RBM47: variants seen among roughly 807,000 people sequenced by gnomAD.
RBM47 encodes RNA-binding protein 47.
RBM47 carries 21 observed loss-of-function variants against 47.1 expected under a neutral mutation model. The ratio of observed to expected loss-of-function variants is 0.45; its 90% CI spans 0.32 to 0.64. RBM47 has a LOEUF of 0.64. RBM47 is among the 30% of genes least tolerant of loss of function. The probability of loss-of-function intolerance (pLI) is 0.05; values close to 1 mark genes in which losing one functional copy is unlikely to be tolerated. For missense variants in RBM47, 708 were observed against 870.9 expected (o/e 0.81, Z 2.35); for synonymous variants, 375 against 361.7 (o/e 1.04, Z -0.42).
At chr4:40,630,150 T>C (rs113094568), upstream of RBM47, 1,143 of 152,328 alleles carry the variant, frequency 7.5e-3, 16 homozygotes, top group African/African-American at 0.026. Context: ...ATGGCAGAGA[T>C]TGGGGGACTT....
Position 40,623,840 on chromosome 4 carries a change from C to CTTGT in RBM47, c.-240+5552_-240+5555dup, listed in dbSNP as rs10573363. Among the ~76,000 whole-genome samples, 668 of 150,444 alleles carry CTTGT rather than the reference C, an allele frequency of 4.4e-3. 4 individuals carry two copies. Among genetic ancestry groups the CTTGT allele is most frequent in the African/African-American group, 0.012 (486 of 40,758 alleles). On this transcript the variant is annotated intron_variant, in intron 1 of 6. Transcript: ENST00000295971. ...TAAATAGCAGACAAAGAGGTATAAACTTGTTTGTTTGTTTGTTTGTTTGTT... is the reference window on the plus strand; with the variant it reads ...TAAATAGCAGACAAAGAGGTATAAACTTGTTTGTTTGTTTGTTTGTTTGTTTGTT...
rs1736096907 is a variant in RBM47 at position 40,609,828 on chromosome 4, C to T, written c.-240+19568G>A. ...GGCTCATTCAAGCCAGGCGCTGTGG[C>T]TCACACCTGTAATCCCAGCATTTTG... On this transcript the variant is annotated intron_variant, in intron 1 of 6. Transcript: ENST00000295971. 1.3e-5 allele frequency among the ~76,000 whole-genome samples: 2 copies of T among 151,914 alleles called. 1 individual carries two copies. The highest frequency in any genetic ancestry group is 4.2e-4 in the South Asian group (2 of 4,812).
At position 40,496,472 on chromosome 4, in the gene RBM47, G is replaced by GA. The variant is rs923930593; in HGVS notation, c.-154-29774dup. ...TGAGTCTAATGTGTAGCCAAGGCTG[G>GA]AAAAAAAAAATCACTTGTCTATGCA... is the stretch of plus-strand genomic sequence containing the variant. On this transcript the variant is annotated intron_variant, in intron 2 of 6. Transcript: ENST00000295971. Among the ~76,000 whole-genome samples, 95 of 149,124 alleles carry GA rather than the reference G, an allele frequency of 6.4e-4. 1 individual carries two copies. The East Asian group carries it at 0.014, about 22-fold the overall frequency.
Position 40,540,696 on chromosome 4 carries a change from GA to G in RBM47, c.-155+3725del, listed in dbSNP as rs1162729597. 2.7e-5 allele frequency among the ~76,000 whole-genome samples: 4 copies of G among 147,334 alleles called. No individual in the cohort carries two copies. The East Asian group carries it at 5.9e-4, about 22-fold the overall frequency. ...ATAATAATAAATGGGGAATAATGGGGAAAAAACCCTACTATTTTTTTCCTTA... is the reference window on the plus strand; with the variant it reads ...ATAATAATAAATGGGGAATAATGGGGAAAAACCCTACTATTTTTTTCCTTA... On this transcript the variant is annotated intron_variant, in intron 2 of 6. Coordinates refer to ENST00000295971, the MANE Select transcript of RBM47 (RefSeq NM_001098634.2).
upstream of RBM47, chr4:40,630,706 C>T (rs1201639563): frequency 1.3e-5 from 2 of 152,170 alleles, no homozygotes; most frequent in African/African-American, 4.8e-5. Context: ...GGAGTTGGCT[C>T]GAACCCCCAC....
rs936379821 is a variant in RBM47, at chr4:40,613,914, T to C, written c.-240+15482A>G. Among the ~76,000 whole-genome samples, 4 of 152,002 alleles carry C rather than the reference T, an allele frequency of 2.6e-5. No individual in the cohort carries two copies. In the East Asian group the frequency reaches 7.7e-4, roughly 29 times the overall value. ...CTGGATAATTCTTTGTTTTGAGTGG[T>C]TCTCCTGGGCATTGTAGGATGTCCA... On this transcript the variant is annotated intron_variant, in intron 1 of 6. Coordinates refer to ENST00000295971, the MANE Select transcript of RBM47 (RefSeq NM_001098634.2).
intron 1 of RBM47, among the ~76,000 whole-genome samples, chr4:40,616,933 T>C (rs1736803129): frequency 6.9e-6 from 1 of 145,944 alleles, no homozygotes; most frequent in Non-Finnish European, 1.5e-5. Flanking sequence ...TGGAGTGCAG[T>C]GGCGCGATCT....
chr4:40,474,178 G>A (rs1298419280), intron 2 of RBM47, among the ~76,000 whole-genome samples: 2 of 152,056 alleles, frequency 1.3e-5, no homozygotes, highest in Non-Finnish European at 2.9e-5. Flanking sequence ...CTGTCATATC[G>A]GCAGAATTGA....
At chr4:40,459,074 G>A (rs76943104) in intron 3 of RBM47, among the ~76,000 whole-genome samples, 23,220 of 152,050 alleles carry the variant, frequency 0.15, 1,903 homozygotes, top group African/African-American at 0.2. Flanking sequence ...AGTAAAATTC[G>A]CCTTCTATTA....
At chr4:40,561,548 T>TC (rs201960838) in intron 1 of RBM47, among the ~76,000 whole-genome samples, 17,014 of 138,500 alleles carry the variant, frequency 0.12, 1,375 homozygotes, top group East Asian at 0.16. Context: ...TCTTTTCTTT[T>TC]TTTTTTCTTT....
chr4:40,514,518 G>A (rs915581573), intron 2 of RBM47: 1 of 152,152 alleles, frequency 6.6e-6, no homozygotes, highest in Admixed American at 6.5e-5. Context: ...GCACGTACCT[G>A]CTAAGCACCT....
intron 1 of RBM47, among the ~76,000 whole-genome samples, chr4:40,603,816 G>A (rs1330053012): frequency 1.3e-5 from 2 of 152,152 alleles, no homozygotes; most frequent in Non-Finnish European, 1.5e-5. Context: ...TGCCCAGGCT[G>A]GTCTCGAGCT....
rs1213913858 is a variant in RBM47, at chr4:40,434,002, G to GGGGTGTATGT, written c.1331-1141_1331-1140insACATACACCC. 6.4e-4 allele frequency among the ~76,000 whole-genome samples: 29 copies of GGGGTGTATGT among 45,632 alleles called. 7 individuals are homozygous for GGGGTGTATGT. The highest frequency in any genetic ancestry group is 1.5e-3 in the African/African-American group (29 of 19,054). The allele number at this position is 45,632 out of a possible 152,430, so 29.9% of individuals were successfully genotyped here. ...TGTGAGTGTGTGTGTGTGGGGCGGG[G>GGGGTGTATGT]GTGTGTGTGTGTGTGTGTGTGTGTG... is the stretch of plus-strand genomic sequence containing the variant. On this transcript the variant is annotated intron_variant, in intron 5 of 6. Coordinates refer to ENST00000295971, the MANE Select transcript of RBM47 (RefSeq NM_001098634.2).
chr4:40,592,957 A>G (rs1396581510), intron 1 of RBM47, among the ~76,000 whole-genome samples: 1 of 16,922 alleles, frequency 5.9e-5, no homozygotes, highest in Non-Finnish European at 1.1e-4. Flanking sequence ...ATATATATAT[A>G]TATATATATA....
chr4:40,603,683 G>A (rs1735485757), intron 1 of RBM47, among the ~76,000 whole-genome samples: 1 of 151,784 alleles, frequency 6.6e-6, no homozygotes, highest in South Asian at 2.1e-4. Flanking sequence ...GCTCACTGCA[G>A]CCTCGACCTC....
chr4:40,459,586 A>T (rs1013349938), intron 3 of RBM47, among the ~76,000 whole-genome samples: 3 of 152,046 alleles, frequency 2.0e-5, no homozygotes, highest in Non-Finnish European at 2.9e-5. Flanking sequence ...TAATAATAAA[A>T]ATAATTTAAA....
intron 3 of RBM47, among the ~76,000 whole-genome samples, chr4:40,455,973 G>A (rs947350550): frequency 4.6e-5 from 7 of 152,236 alleles, no homozygotes; most frequent in African/African-American, 1.7e-4. Flanking sequence ...ACTCCCAAAT[G>A]TTTATGGACA....
At chr4:40,504,018 G>A (rs921928352) in intron 2 of RBM47, among the ~76,000 whole-genome samples, 19 of 152,000 alleles carry the variant, frequency 1.3e-4, no homozygotes, top group African/African-American at 4.1e-4. Flanking sequence ...GGAAAAAAAA[G>A]TGAAAAAAAA....
chr4:40,448,129 G>A (rs930272339), intron 3 of RBM47, among the ~76,000 whole-genome samples: 4 of 152,226 alleles, frequency 2.6e-5, no homozygotes, highest in Non-Finnish European at 4.4e-5. Context: ...CCGGGAGGCA[G>A]AGGTTGCAGT....
Sources: gnomAD v4.1 joint callset for allele counts (sites outside exome capture counted in the v4.1 genomes callset) on GRCh38, gnomAD v4.1.1 for gene constraint, MANE v1.5 for transcripts, NCBI Gene and HGNC (gene_info 2026-07-23, HGNC 2026-07-21) for gene names.